ATP1A3: variants seen among roughly 807,000 people sequenced by gnomAD.
ATP1A3 encodes ATPase Na+/K+ transporting subunit alpha 3.
A neutral mutation model predicts 108.8 loss-of-function variants in ATP1A3; 12 were observed. The observed-to-expected ratio is 0.11, with a 90% confidence interval of 0.07 to 0.18. The LOEUF is 0.18. Among genes scored for constraint, ATP1A3 ranks in the 10% least tolerant of loss-of-function variants. ATP1A3 has a pLI of 1.00. For missense variants in ATP1A3, 498 were observed against 1,387.7 expected, an observed-to-expected ratio of 0.36 and a Z score of 10.19; for synonymous variants, 539 against 564.5, an observed-to-expected ratio of 0.95 and a Z score of 0.64.
At chr19:41,970,076 A>G in intron 18 of ATP1A3, 109 bp downstream of exon 18, 1 of 1,584,994 alleles carries the variant, frequency 6.3e-7, no homozygotes, top group Non-Finnish European at 8.6e-7. Context: ...GGTCCTGCCC[A>G]CGTCTGCTCC....
chr19:41,974,859 C>T (rs929419652), intron 16 of ATP1A3, among the ~76,000 whole-genome samples: 1 of 152,202 alleles, frequency 6.6e-6, no homozygotes, highest in African/African-American at 2.4e-5. Context: ...GACCCAGCCC[C>T]TCACACCGCC....
chr19:41,991,556 C>T (rs1232521834), intron 1 of ATP1A3, among the ~76,000 whole-genome samples: 1 of 152,090 alleles, frequency 6.6e-6, no homozygotes, highest in Non-Finnish European at 1.5e-5. Flanking sequence ...CTACAAAGGC[C>T]TGGGGTCAAG....
rs1044331137 is a variant in ATP1A3, at chr19:41,967,968, C to A, written c.2820-205G>T. Among the ~76,000 whole-genome samples the A allele has an allele frequency of 9.9e-5, 15 of 151,694 alleles. No homozygotes were observed. The highest frequency in any genetic ancestry group is 3.1e-4 in the African/African-American group (13 of 41,272). On this transcript the variant is annotated intron_variant, in intron 20 of 22. Transcript: ENST00000648268. This position sits in a 1 kb window ranked among gnomAD's most constrained non-coding sequence, Gnocchi z 4.2. ...AAAGATAGAGGCAGAGCGATGGTGACACAGAAAGAGACAAAAGACAGGGAC... is the reference window on the plus strand; with the variant it reads ...AAAGATAGAGGCAGAGCGATGGTGAAACAGAAAGAGACAAAAGACAGGGAC...
rs2075065160 is a variant in ATP1A3 at position 41,968,131 on chromosome 19, AGGCCAGG to A, written c.2820-375_2820-369del. Among the ~76,000 whole-genome samples, 1 of 152,012 alleles carries A rather than the reference AGGCCAGG, an allele frequency of 6.6e-6. No homozygotes were observed. The highest frequency in any genetic ancestry group is 1.5e-5 in the Non-Finnish European group (1 of 67,994). On this transcript the variant is annotated intron_variant, in intron 20 of 22. Coordinates refer to ENST00000648268, the MANE Select transcript of ATP1A3 (RefSeq NM_152296.5). This position sits in a 1 kb window ranked among gnomAD's most constrained non-coding sequence, Gnocchi z 5.0. The stretch of plus-strand genomic sequence containing the variant: ...AGAGAGGCACTGGTATAAAAAGAAA[AGGCCAGG>A]GGCACCTCCACCACACACACAGAGG...
At chr19:41,973,417 T>G (rs78776424) in intron 16 of ATP1A3, among the ~76,000 whole-genome samples, 1 of 152,098 alleles carries the variant, frequency 6.6e-6, no homozygotes, top group African/African-American at 2.4e-5. Flanking sequence ...CACCACGCCC[T>G]GCTAATTTTT....
At chr19:41,993,507 A>G (rs1599731023) in intron 1 of ATP1A3, 3 of 51,192 alleles carry the variant, frequency 5.9e-5, no homozygotes, top group African/African-American at 1.3e-4. Flanking sequence ...GCCTGCACAC[A>G]CACACACACA....
intron 4 of ATP1A3, among the ~76,000 whole-genome samples, 181 bp downstream of exon 4, chr19:41,987,755 C>A (rs1230727655): frequency 6.6e-6 from 1 of 152,180 alleles, no homozygotes; most frequent in Non-Finnish European, 1.5e-5. Flanking sequence ...AGTAGCCTGG[C>A]TTTTCTGAGC....
intron 1 of ATP1A3, among the ~76,000 whole-genome samples, chr19:41,990,317 A>G (rs1235483614): frequency 8.1e-6 from 1 of 124,072 alleles, no homozygotes; most frequent in African/African-American, 3.1e-5. Flanking sequence ...CTCTCTCACT[A>G]TCACTAAGAT....
Position 41,966,709 on chromosome 19 carries a change from G to A in ATP1A3, c.*228C>T, listed in dbSNP as rs868910463. 4.4e-5 allele frequency: 68 copies of A among 1,539,132 alleles called. No individual in the cohort carries two copies. The African/African-American group carries it at 7.6e-4, about 17-fold the overall frequency. On this transcript the variant is annotated 3_prime_UTR_variant, in exon 23 of 23. Coordinates refer to ENST00000648268, the MANE Select transcript of ATP1A3 (RefSeq NM_152296.5). ...GCGGGAGGAATGGATAGAGGGGTGA[G>A]GAGAGGGAGAGAAACTGACACAGAA...
chr19:41,978,469 T>G lies in ATP1A3; in HGVS notation c.1630+137A>C, dbSNP rs2075196118. ...ATTCATTTCCTAGGATACCTTCCCC[T>G]CTCATCCATCCATTCATTCATTCAT... is the stretch of plus-strand genomic sequence containing the variant. On this transcript the variant is annotated intron_variant, in intron 12 of 22. Transcript: ENST00000648268. The surrounding 1 kb of genome is among the most constrained non-coding windows in gnomAD (Gnocchi z 8.3). 7.4e-6 allele frequency: 11 copies of G among 1,480,118 alleles called. No homozygotes were observed. In the South Asian group the frequency reaches 1.2e-4, roughly 16 times the overall value. The allele number at this position is 1,480,118 out of a possible 1,614,324, so 91.7% of individuals were successfully genotyped here.
At chr19:41,970,787 A>G (rs1274641463) in intron 16 of ATP1A3, among the ~76,000 whole-genome samples, 3 of 150,600 alleles carry the variant, frequency 2.0e-5, no homozygotes, top group South Asian at 4.2e-4. Flanking sequence ...ACCTGCCACC[A>G]CGCCCGGCTA....
rs1250092867 is a variant in ATP1A3 at position 41,981,039 on chromosome 19, C to T, written c.1437+463G>A. ...TTGAGTCAGGGTCTTGCTCTGTCAC[C>T]CAGGCTGGAGTACAGTGCGTGATGT... is the stretch of plus-strand genomic sequence containing the variant. On this transcript the variant is annotated intron_variant, in intron 11 of 22. Coordinates refer to ENST00000648268, the MANE Select transcript of ATP1A3 (RefSeq NM_152296.5). The surrounding 1 kb of genome is among the most constrained non-coding windows in gnomAD (Gnocchi z 5.0). Among the ~76,000 whole-genome samples, 4 of 150,550 alleles carry T rather than the reference C, an allele frequency of 2.7e-5. No individual in the cohort carries two copies. Among genetic ancestry groups the T allele is most frequent in the Admixed American group, 1.3e-4 (2 of 15,114 alleles).
intron 16 of ATP1A3, among the ~76,000 whole-genome samples, chr19:41,972,871 A>AAGGAAGGAAAGAAGGAAGGCAGGC (rs1568856448): frequency 2.3e-5 from 3 of 133,308 alleles, no homozygotes; most frequent in Admixed American, 7.6e-5. Flanking sequence ...AGAAGGAAGG[A>AAGGAAGGAAAGAAGGAAGGCAGGC]AGGCAGGCAG....
intron 16 of ATP1A3, among the ~76,000 whole-genome samples, chr19:41,973,555 C>T (rs2075135391): frequency 1.3e-5 from 2 of 152,202 alleles, no homozygotes; most frequent in Non-Finnish European, 2.9e-5. Flanking sequence ...CGTGCCTGGC[C>T]CCTGACGGAA....
chr19:41,968,711 A>G lies in ATP1A3; in HGVS notation c.2819+74T>C. On this transcript the variant is annotated intron_variant, in intron 20 of 22. Transcript: ENST00000648268. This position sits in a 1 kb window ranked among gnomAD's most constrained non-coding sequence, Gnocchi z 5.0. ...CAAAAAACCAAAGCAAGGACACAAG[A>G]GGAAGTACACAGACAGACAGACACT... 1 of 1,604,806 alleles carries G rather than the reference A, an allele frequency of 6.2e-7. No homozygotes were observed. Among genetic ancestry groups the G allele is most frequent in the Non-Finnish European group, 8.5e-7 (1 of 1,174,084 alleles).
At chr19:41,980,880 C>T (rs1165193455) in intron 11 of ATP1A3, among the ~76,000 whole-genome samples, 2 of 151,462 alleles carry the variant, frequency 1.3e-5, no homozygotes, top group Non-Finnish European at 2.9e-5. Flanking sequence ...CACTGCACTC[C>T]AGCCTGGGTG....
At chr19:41,970,163 G>A in intron 18 of ATP1A3, 22 bp downstream of exon 18, 1 of 1,614,248 alleles carries the variant, frequency 6.2e-7, no homozygotes, top group Non-Finnish European at 8.5e-7. Context: ...GTGGTAAGGA[G>A]ATGGAGTCCC....
intron 4 of ATP1A3, 27 bp from the exon 5 acceptor site, chr19:41,986,256 CA>C (rs1266974387): frequency 2.5e-6 from 4 of 1,605,666 alleles, no homozygotes; most frequent in Non-Finnish European, 2.5e-6. Context: ...GGATGTTGAT[CA>C]GGGGCCGCCC....
intron 4 of ATP1A3, 164 bp from the exon 5 acceptor site, chr19:41,986,393 G>A (rs1555865513): frequency 1.8e-5 from 11 of 612,096 alleles, no homozygotes. Flanking sequence ...AGTCTCCCCT[G>A]TTTGTGCTTG....
Sources: allele counts gnomAD v4.1 joint callset (sites outside exome capture counted in the v4.1 genomes callset), GRCh38; gene constraint gnomAD v4.1.1; non-coding constraint Gnocchi (gnomAD v3.1); transcripts MANE v1.5; gene names NCBI Gene and HGNC (gene_info 2026-07-23, HGNC 2026-07-21).